Variants in VMP1 observed in about 807,000 individuals in gnomAD.
The protein encoded by VMP1 is ectopic P-granules autophagy protein 3 homolog.
A neutral mutation model predicts 56.0 loss-of-function variants in VMP1; 11 were observed. The observed-to-expected ratio is 0.20, with a 90% CI of 0.12 to 0.32. The LOEUF (loss-of-function observed/expected upper bound fraction) is 0.32, where lower values mean the gene tolerates loss of function less well. Among genes scored for constraint, VMP1 ranks in the 10% least tolerant of loss-of-function variants. The pLI is 1.00. For synonymous variants in VMP1, 149 were observed against 165.0 expected, an observed-to-expected ratio of 0.90 and a Z score of 0.74; for missense variants, 296 against 490.3, an observed-to-expected ratio of 0.60 and a Z score of 3.74.
At chr17:59,783,018 AC>A (rs2144081530) in intron 7 of VMP1, among the ~76,000 whole-genome samples, 1 of 151,892 alleles carries the variant, frequency 6.6e-6, no homozygotes, top group South Asian at 2.1e-4. Flanking sequence ...ACATGGTGAA[AC>A]CCCGTCTCCA....
chr17:59,716,354 C>T (rs2034152304), intron 1 of VMP1, among the ~76,000 whole-genome samples: 1 of 152,116 alleles, frequency 6.6e-6, no homozygotes, highest in Admixed American at 6.5e-5. Flanking sequence ...TTCGTAGATA[C>T]TTTAAGTACT....
chr17:59,755,841 T>G (rs1306327438), intron 5 of VMP1, among the ~76,000 whole-genome samples: 1 of 151,038 alleles, frequency 6.6e-6, no homozygotes, highest in Non-Finnish European at 1.5e-5. Flanking sequence ...TGGGCTCGAG[T>G]GGTCCTCCCA....
chr17:59,763,837 A>T (rs1383314386), intron 5 of VMP1, among the ~76,000 whole-genome samples: 1 of 152,204 alleles, frequency 6.6e-6, no homozygotes, highest in Non-Finnish European at 1.5e-5. Context: ...TACTTGCACA[A>T]TATAATTAGT....
At chr17:59,734,597 G>C (rs2034949688) in intron 2 of VMP1, among the ~76,000 whole-genome samples, 1 of 152,162 alleles carries the variant, frequency 6.6e-6, no homozygotes, top group Non-Finnish European at 1.5e-5. Flanking sequence ...GTTGGGTGCG[G>C]TGGTACACAC....
rs975666614 is a variant in VMP1, at chr17:59,738,721, T to C, written c.304-116T>C. The C allele has an allele frequency of 1.5e-5, 11 of 734,036 alleles. No homozygotes were observed. The African/African-American group carries it at 1.8e-4, about 12-fold the overall frequency. The allele number at this position is 734,036 out of a possible 1,614,324, so 45.5% of individuals were successfully genotyped here. ...GGCCTCTTCAATGGGTTTTTAATCT[T>C]ATTAGTTTTTTCCTATTTGAAACTT... On this transcript the variant is annotated intron_variant, in intron 4 of 11. Transcript: ENST00000262291.
At chr17:59,749,106 C>G (rs897973154) in intron 5 of VMP1, among the ~76,000 whole-genome samples, 6 of 150,134 alleles carry the variant, frequency 4.0e-5, no homozygotes, top group African/African-American at 1.5e-4. Context: ...CCCGCTACTA[C>G]GCCTGGCTAT....
intron 3 of VMP1, 157 bp downstream of exon 3, chr17:59,735,630 T>A: frequency 1.3e-6 from 1 of 785,074 alleles, no homozygotes; most frequent in Non-Finnish European, 1.9e-6. Context: ...TTTCTTTAGG[T>A]TGAAGAAAAA....
In VMP1 at chr17:59,832,866, C is replaced by T. The variant is rs1267693525; in HGVS notation, c.975-5429C>T. ...CCTCAGGTGATCTGCCCACCTCGGC[C>T]TCCCAAAGTGCTGTGATTACAGGCA... On this transcript the variant is annotated intron_variant, in intron 10 of 11. Transcript: ENST00000262291. 3.3e-5 allele frequency among the ~76,000 whole-genome samples: 5 copies of T among 151,316 alleles called. No individual in the cohort carries two copies. The South Asian group carries it at 1.0e-3, about 32-fold the overall frequency.
At chr17:59,811,883 C>G (rs753332644) in intron 9 of VMP1, 97 bp downstream of exon 9, 13 of 921,836 alleles carry the variant, frequency 1.4e-5, no homozygotes, top group Non-Finnish European at 1.8e-5. Flanking sequence ...GTTATTCTTT[C>G]TGCTTTTTTG....
At chr17:59,750,190 C>T (rs544591193) in intron 5 of VMP1, among the ~76,000 whole-genome samples, 7 of 152,032 alleles carry the variant, frequency 4.6e-5, no homozygotes, top group Admixed American at 4.6e-4. Context: ...ATTAGTAAAT[C>T]GTTTTATTTC....
chr17:59,731,841 C>T (rs917555613), intron 2 of VMP1, among the ~76,000 whole-genome samples: 8 of 152,136 alleles, frequency 5.3e-5, no homozygotes, highest in African/African-American at 1.9e-4. Context: ...AGATTATAAA[C>T]TTACTACACT....
chr17:59,831,696 C>A (rs1598460044), intron 10 of VMP1, among the ~76,000 whole-genome samples: 1 of 145,472 alleles, frequency 6.9e-6, no homozygotes, highest in African/African-American at 2.6e-5. Flanking sequence ...GGTATGTAAG[C>A]ATGGGAAAAT....
At chr17:59,711,843 CT>C (rs1421390625) in intron 1 of VMP1, among the ~76,000 whole-genome samples, 1 of 152,078 alleles carries the variant, frequency 6.6e-6, no homozygotes, top group African/African-American at 2.4e-5. Flanking sequence ...ACTACTTAAT[CT>C]TTTCAGTAGT....
chr17:59,787,775 C>T (rs940467379), intron 7 of VMP1, among the ~76,000 whole-genome samples: 3 of 152,018 alleles, frequency 2.0e-5, no homozygotes, highest in African/African-American at 4.8e-5. Flanking sequence ...GAGCCGAGAT[C>T]GTGCCACTAC....
intron 5 of VMP1, 147 bp downstream of exon 5, chr17:59,739,094 T>C (rs1251007582): frequency 1.3e-5 from 8 of 596,048 alleles, no homozygotes; most frequent in Non-Finnish European, 2.2e-5. Context: ...TGCTTTAAGT[T>C]TGACTTAGAG....
intron 10 of VMP1, among the ~76,000 whole-genome samples, chr17:59,831,767 T>C (rs544976008): frequency 4.1e-5 from 6 of 146,028 alleles, no homozygotes; most frequent in Admixed American, 1.4e-4. Context: ...TTTTTTTCTT[T>C]AAATAAAAAA....
At chr17:59,761,341 C>T (rs753774701) in intron 5 of VMP1, among the ~76,000 whole-genome samples, 5 of 152,026 alleles carry the variant, frequency 3.3e-5, no homozygotes, top group Admixed American at 6.6e-5. Flanking sequence ...TTTGCTGCTT[C>T]GCATATCTAG....
At chr17:59,710,386 C>G (rs530748693) in intron 1 of VMP1, among the ~76,000 whole-genome samples, 1 of 152,194 alleles carries the variant, frequency 6.6e-6, no homozygotes, top group South Asian at 2.1e-4. Context: ...TGTAAGGTCT[C>G]AAGTGTTCTT....
At chr17:59,708,589 C>G (rs2033781357) in intron 1 of VMP1, among the ~76,000 whole-genome samples, 3 of 152,184 alleles carry the variant, frequency 2.0e-5, no homozygotes, top group Admixed American at 2.0e-4. Flanking sequence ...CTAATGTTAA[C>G]GTCTTTCATT....
Sources: allele counts gnomAD v4.1 joint callset (sites outside exome capture counted in the v4.1 genomes callset), GRCh38; gene constraint gnomAD v4.1.1; transcripts MANE v1.5; gene names NCBI Gene and HGNC (gene_info 2026-07-23, HGNC 2026-07-21).